IL1RAPL1: variants seen among roughly 807,000 people sequenced by gnomAD.
IL1RAPL1 encodes the protein interleukin-1 receptor accessory protein-like 1.
IL1RAPL1 carries 3 observed loss-of-function variants against 48.4 expected under a neutral mutation model. The observed-to-expected ratio is 0.06, with a 90% CI of 0.03 to 0.16. The LOEUF is 0.16. Ranked by LOEUF, IL1RAPL1 falls within the 10% of genes least tolerant of loss-of-function variation. The pLI is 1.00. For synonymous variants in IL1RAPL1, 185 were observed against 187.7 expected (o/e 0.99, Z 0.12); for missense variants, 349 against 530.6 (o/e 0.66, Z 3.36).
Position 29,708,358 on chromosome X carries a change from C to T in IL1RAPL1, c.778+39854C>T, listed in dbSNP as rs193150616. ...GTGCAATAAATAACTAAAACTTTTC[C>T]TCCAATTTAACAGAAATTTTATTAC... On this transcript the variant is annotated intron_variant, in intron 6 of 10. Coordinates refer to ENST00000378993, the MANE Select transcript of IL1RAPL1 (RefSeq NM_014271.4). Among the ~76,000 whole-genome samples the T allele has an allele frequency of 1.6e-4, 18 of 111,610 alleles. No individual in the cohort carries two copies. In the East Asian group the frequency reaches 5.1e-3, roughly 31 times the overall value.
At chrX:29,645,326 C>G (rs951970785) in intron 5 of IL1RAPL1, among the ~76,000 whole-genome samples, 2 of 111,426 alleles carry the variant, frequency 1.8e-5, no homozygotes, top group Non-Finnish European at 3.8e-5. Context: ...AATCAAAGCA[C>G]TAGGTTATAG....
intron 6 of IL1RAPL1, among the ~76,000 whole-genome samples, chrX:29,824,418 T>C (rs972236291): frequency 5.4e-5 from 6 of 111,870 alleles, no homozygotes; most frequent in Admixed American, 4.8e-4. Context: ...TTTCATGCTC[T>C]CAATCCTGAG....
At chrX:29,241,928 G>T (rs1431532973) in intron 2 of IL1RAPL1, among the ~76,000 whole-genome samples, 4 of 111,638 alleles carry the variant, frequency 3.6e-5, no homozygotes, top group Non-Finnish European at 5.6e-5. Context: ...GTCAGAGAAT[G>T]CTATTGCAGT....
chrX:28,959,829 G>A (rs2147361225), intron 2 of IL1RAPL1, among the ~76,000 whole-genome samples: 1 of 111,788 alleles, frequency 8.9e-6, no homozygotes, highest in South Asian at 3.7e-4. Flanking sequence ...AATCTGAGTT[G>A]TATTGCTTGT....
At chrX:29,562,482 G>T (rs1216861445) in intron 5 of IL1RAPL1, among the ~76,000 whole-genome samples, 1 of 110,542 alleles carries the variant, frequency 9.0e-6, no homozygotes, top group African/African-American at 3.3e-5. Flanking sequence ...GAAAAAATAA[G>T]AAAAAAGTAT....
chrX:29,231,052 G>A (rs1356052410), intron 2 of IL1RAPL1, among the ~76,000 whole-genome samples: 1 of 112,296 alleles, frequency 8.9e-6, no homozygotes, highest in Non-Finnish European at 1.9e-5. Context: ...AGGATTTCTG[G>A]TCTTAAGCAA....
chrX:29,504,216 T>C (rs1228896284), intron 5 of IL1RAPL1, among the ~76,000 whole-genome samples: 1 of 111,556 alleles, frequency 9.0e-6, no homozygotes, highest in Non-Finnish European at 1.9e-5. Context: ...GATTTCTACT[T>C]TTCTGAATTT....
chrX:29,455,667 A>T (rs183699747), intron 5 of IL1RAPL1, among the ~76,000 whole-genome samples: 38 of 111,902 alleles, frequency 3.4e-4, no homozygotes, highest in African/African-American at 1.2e-3. Context: ...TTAAGTAGTT[A>T]TCCAAAGTGT....
chrX:28,661,032 T>C (rs1318766184), intron 1 of IL1RAPL1, among the ~76,000 whole-genome samples: 1 of 102,414 alleles, frequency 9.8e-6, no homozygotes, highest in East Asian at 3.0e-4. Flanking sequence ...GCTCCAAGTC[T>C]AGACTGGTTT....
chrX:29,803,015 GTGTACATATACATGTATGCATA>G (rs1442671903), intron 6 of IL1RAPL1, among the ~76,000 whole-genome samples: 4 of 42,526 alleles, frequency 9.4e-5, no homozygotes, highest in African/African-American at 3.2e-4. Flanking sequence ...ATATACATAT[GTGTACATATACATGTATGCATA>G]TATACATATA....
chrX:29,101,407 G>A (rs1284884735), intron 2 of IL1RAPL1, among the ~76,000 whole-genome samples: 2 of 111,571 alleles, frequency 1.8e-5, no homozygotes, highest in Non-Finnish European at 3.8e-5. Flanking sequence ...CTTCACTGCT[G>A]AATTTTACCA....
intron 6 of IL1RAPL1, among the ~76,000 whole-genome samples, chrX:29,791,020 C>T (rs761107591): frequency 2.9e-4 from 32 of 110,627 alleles, no homozygotes; most frequent in African/African-American, 9.8e-4. Flanking sequence ...TTGGTCATCT[C>T]TCTCTACTCC....
chrX:29,253,968 A>G (rs1470645061), intron 2 of IL1RAPL1, among the ~76,000 whole-genome samples: 4 of 111,950 alleles, frequency 3.6e-5, no homozygotes, highest in Non-Finnish European at 7.5e-5. Flanking sequence ...ATGTTTAGAC[A>G]TAAAGCAAAT....
intron 1 of IL1RAPL1, among the ~76,000 whole-genome samples, chrX:28,755,373 G>A (rs1213080849): frequency 8.9e-6 from 1 of 112,406 alleles, no homozygotes; most frequent in Non-Finnish European, 1.9e-5. Context: ...ATGTGGCTGT[G>A]TAACTTTGAA....
intron 6 of IL1RAPL1, among the ~76,000 whole-genome samples, chrX:29,720,705 A>G (rs1367539245): frequency 9.0e-6 from 1 of 111,405 alleles, no homozygotes; most frequent in Non-Finnish European, 1.9e-5. Context: ...ATACCTATGT[A>G]ACAAACCTGC....
At position 29,884,464 on chromosome X, in the gene IL1RAPL1, C is replaced by G. The variant is rs375495320; in HGVS notation, c.779-33000C>G. On this transcript the variant is annotated intron_variant, in intron 6 of 10. Transcript: ENST00000378993. ...TCCCTCCCACCATTCTGGTCACTCCCTCTCACTCTTTTTTGCTGGTTAGTC... is the reference window on the plus strand; with the variant it reads ...TCCCTCCCACCATTCTGGTCACTCCGTCTCACTCTTTTTTGCTGGTTAGTC... Among the ~76,000 whole-genome samples, 114 of 110,637 alleles carry G rather than the reference C, an allele frequency of 1.0e-3. No individual in the cohort carries two copies. In the East Asian group the frequency reaches 0.02, roughly 20 times the overall value.
chrX:29,923,334 G>GTATT (rs1932861089), intron 8 of IL1RAPL1, among the ~76,000 whole-genome samples: 1 of 112,170 alleles, frequency 8.9e-6, no homozygotes, highest in African/African-American at 3.2e-5. Flanking sequence ...GCCAGAAAAG[G>GTATT]TATTAGGTTC....
At chrX:29,918,144 A>AAAAAAAAAAAAAATATAT (rs1555935868) in intron 7 of IL1RAPL1, among the ~76,000 whole-genome samples, 1 of 23,765 alleles carries the variant, frequency 4.2e-5, no homozygotes, top group Non-Finnish European at 6.6e-5. Context: ...AAAAAAAAAA[A>AAAAAAAAAAAAAATATAT]ATATATATAT....
At chrX:29,913,393 TAC>T (rs775944840) in intron 6 of IL1RAPL1, among the ~76,000 whole-genome samples, 4 of 105,939 alleles carry the variant, frequency 3.8e-5, no homozygotes, top group Non-Finnish European at 7.8e-5. Context: ...GACACAGTGA[TAC>T]ACACACACAC....
Sources: allele counts gnomAD v4.1 joint callset (sites outside exome capture counted in the v4.1 genomes callset), GRCh38; gene constraint gnomAD v4.1.1; transcripts MANE v1.5; gene names NCBI Gene and HGNC (gene_info 2026-07-23, HGNC 2026-07-21).